ALX3: variants seen among roughly 807,000 people sequenced by gnomAD.
ALX3 encodes homeobox protein aristaless-like 3.
ALX3 carries 17 observed loss-of-function variants against 26.3 expected under a neutral mutation model. The observed-to-expected ratio is 0.65, with a 90% CI of 0.44 to 0.97. The LOEUF (loss-of-function observed/expected upper bound fraction) is 0.97, where lower values mean the gene tolerates loss of function less well. ALX3 is among the 50% of genes least tolerant of loss of function. The pLI is 0.00. For synonymous variants in ALX3, 208 were observed against 201.4 expected (o/e 1.03, Z -0.28); for missense variants, 461 against 466.5 (o/e 0.99, Z 0.11).
At position 110,061,396 on chromosome 1, in the gene ALX3, C is replaced by A. The variant is rs765099441; in HGVS notation, c.723+39G>T. On this transcript the variant is annotated intron_variant, in intron 3 of 3. Transcript: ENST00000647563. ...CCAGACCTCATATTCTTTTTGGTGA[C>A]CCTGCCAGGTCCTGGTTCAGGTAGG... 4.3e-6 allele frequency: 7 copies of A among 1,614,034 alleles called. No homozygotes were observed. In the African/African-American group the frequency reaches 6.7e-5, roughly 15 times the overall value.
chr1:110,070,388 G>A lies in ALX3; in HGVS notation c.225C>T (p.Leu75=), dbSNP rs1653889683. The change falls in exon 1 of 4, where the codon CTC becomes CTT. Residue 75 remains leucine (L), a synonymous_variant. Transcript: ENST00000647563. The part of the protein sequence containing the change: ...AKPPAKYLQD[L]GPGPALNGGH... ...CGCCGTTGAGGGCCGGGCCGGGCCCGAGGTCCTGCAGGTACTTGGCGGGCG... is the reference window on the plus strand; with the variant it reads ...CGCCGTTGAGGGCCGGGCCGGGCCCAAGGTCCTGCAGGTACTTGGCGGGCG... 2.3e-6 allele frequency: 3 copies of A among 1,285,592 alleles called. No homozygotes were observed. The highest frequency in any genetic ancestry group is 2.9e-6 in the Non-Finnish European group (3 of 1,017,026). 79.6% of individuals were successfully genotyped at this position (1,285,592 alleles called of 1,614,324 possible).
chr1:110,065,720 C>G (rs1292451387), intron 1 of ALX3, among the ~76,000 whole-genome samples: 1 of 152,214 alleles, frequency 6.6e-6, no homozygotes, highest in African/African-American at 2.4e-5. Context: ...TTTCTAACTG[C>G]TCCCCCATTG....
chr1:110,064,122 G>A (rs1481068867), intron 2 of ALX3, among the ~76,000 whole-genome samples: 1 of 152,098 alleles, frequency 6.6e-6, no homozygotes, highest in Non-Finnish European at 1.5e-5. Flanking sequence ...CCTCCTGACA[G>A]GGACCCTCCC....
Position 110,060,671 on chromosome 1 carries a change from C to CAGGGGTGGGA in ALX3, c.*61_*62insTCCCACCCCT. ...TCTGGGGCTTGGAGGCAGAGGTGGG[C>CAGGGGTGGGA]TGGGAGCGACTGGGAATGGAAAAAG... On this transcript the variant is annotated 3_prime_UTR_variant, in exon 4 of 4. Transcript: ENST00000647563. 4.5e-6 allele frequency: 2 copies of CAGGGGTGGGA among 445,746 alleles called. No individual in the cohort carries two copies. Among genetic ancestry groups the CAGGGGTGGGA allele is most frequent in the South Asian group, 4.4e-5 (1 of 22,838 alleles). 27.6% of individuals were successfully genotyped at this position (445,746 alleles called of 1,614,324 possible). A position where few individuals can be genotyped will look rare whatever the true frequency, so the allele number is the denominator to read the frequency against.
chr1:110,063,231 C>G (rs146621566), intron 2 of ALX3, among the ~76,000 whole-genome samples: 92 of 152,304 alleles, frequency 6.0e-4, no homozygotes, highest in African/African-American at 2.1e-3. Flanking sequence ...GCTGGTTAGA[C>G]CACACCCCGG....
intron 2 of ALX3, chr1:110,061,794 C>G: frequency 1.6e-6 from 1 of 611,570 alleles, no homozygotes; most frequent in Non-Finnish European, 2.8e-6. Context: ...CCAGCTGTCA[C>G]TCCCCAGGTT....
In ALX3 at chr1:110,070,670, T is replaced by A; in HGVS notation, c.-58A>T. 3.5e-6 allele frequency: 4 copies of A among 1,155,846 alleles called. No individual in the cohort carries two copies. The highest frequency in any genetic ancestry group is 4.2e-6 in the Non-Finnish European group (4 of 945,236). 71.6% of individuals were successfully genotyped at this position (1,155,846 alleles called of 1,614,324 possible). A position where few individuals can be genotyped will look rare whatever the true frequency, so the allele number is the denominator to read the frequency against. On this transcript the variant is annotated 5_prime_UTR_variant, in exon 1 of 4. Transcript: ENST00000647563. ...CGGGGCTCGCGCTGCCCGCGCCGCC[T>A]GTGAGCGCCCGCCAAGGGGGAGGGA...
At chr1:110,067,765 GCTCCCGCCGAAGA>G (rs1313771226) in intron 1 of ALX3, among the ~76,000 whole-genome samples, 1 of 152,252 alleles carries the variant, frequency 6.6e-6, no homozygotes, top group Non-Finnish European at 1.5e-5. Flanking sequence ...GGCTCCTGCA[GCTCCCGCCGAAGA>G]CTCAAAGCCA....
intron 2 of ALX3, chr1:110,062,274 C>G (rs1653667641): frequency 6.6e-6 from 1 of 152,620 alleles, no homozygotes; most frequent in Non-Finnish European, 1.5e-5. Context: ...ATACCCTGGA[C>G]CTCTCTTTGT....
intron 1 of ALX3, among the ~76,000 whole-genome samples, chr1:110,066,809 G>A (rs1243259702): frequency 6.6e-6 from 1 of 152,140 alleles, no homozygotes. Context: ...TGCCTCTTGG[G>A]TCTCAATAGG....
Position 110,060,845 on chromosome 1 carries a change from A to C in ALX3, c.920T>G (p.Leu307Arg), listed in dbSNP as rs1316578533. Residue 307 changes from leucine to arginine, a missense_variant, in exon 4 of 4, where the codon CTG becomes CGG. Coordinates refer to ENST00000647563, the MANE Select transcript of ALX3 (RefSeq NM_006492.3). ...GGAAGGCTCAAAGCTGTGGCCCCCC[A>C]GGGTGGGGGGAAAGCCATGGATGGA... is the stretch of plus-strand genomic sequence containing the variant. ...IYSIHGFPPT[L>R]GGHSFEPSSD... 1 of 1,613,996 alleles carries C rather than the reference A, an allele frequency of 6.2e-7. No homozygotes were observed. The highest frequency in any genetic ancestry group is 8.5e-7 in the Non-Finnish European group (1 of 1,179,984).
In ALX3 at chr1:110,060,897, G is replaced by T; in HGVS notation, c.868C>A (p.Pro290Thr). 1 of 1,613,728 alleles carries T rather than the reference G, an allele frequency of 6.2e-7. No individual in the cohort carries two copies. The highest frequency in any genetic ancestry group is 8.5e-7 in the Non-Finnish European group (1 of 1,179,916). The change falls in exon 4 of 4, where the codon CCT becomes ACT. Residue 290 changes from proline to threonine, a missense_variant. Physicochemically the swap from Pro to Thr is conservative, Grantham distance 38. This residue lies in a region of ALX3 where 169 missense variants were observed against 178.0 expected (regional missense o/e 0.95). Transcript: ENST00000647563. ...SVAGFMGVPA[P>T]SAAHPGIYSI... ...TAGATGCCAGGGTGAGCCGCAGAAG[G>T]GGCTGGCACCCCCATGAAGCCAGCC...
At chr1:110,062,954 T>C (rs1653691213) in intron 2 of ALX3, among the ~76,000 whole-genome samples, 1 of 152,218 alleles carries the variant, frequency 6.6e-6, no homozygotes, top group South Asian at 2.1e-4. Context: ...GGGATCCCGC[T>C]GTAGGCCTCC....
At chr1:110,061,682 G>A in intron 2 of ALX3, 119 bp from the exon 3 acceptor site, 1 of 1,440,496 alleles carries the variant, frequency 6.9e-7, no homozygotes, top group Non-Finnish European at 9.5e-7. Context: ...CCAGGATGGA[G>A]GATCTCAACT....
chr1:110,069,493 C>T (rs917423402), intron 1 of ALX3, among the ~76,000 whole-genome samples: 3 of 152,232 alleles, frequency 2.0e-5, no homozygotes. Context: ...AGGCCCCTGC[C>T]TTCAGGCGCA....
intron 1 of ALX3, among the ~76,000 whole-genome samples, chr1:110,068,009 C>G (rs1653829881): frequency 1.2e-5 from 1 of 82,264 alleles, no homozygotes; most frequent in African/African-American, 6.5e-5. Context: ...CAGAGCCAAA[C>G]TCGGGACAGA....
rs1276871677 is a variant in ALX3 at position 110,060,109 on chromosome 1, C to T, written c.*624G>A. 6.6e-6 allele frequency: 1 copy of T among 152,218 alleles called. No individual in the cohort carries two copies. Among genetic ancestry groups the T allele is most frequent in the Non-Finnish European group, 1.5e-5 (1 of 68,066 alleles). The allele number at this position is 152,218 out of a possible 1,614,324, so 9.4% of individuals were successfully genotyped here. A position where few individuals can be genotyped will look rare whatever the true frequency, so the allele number is the denominator to read the frequency against. On this transcript the variant is annotated 3_prime_UTR_variant, in exon 4 of 4. Transcript: ENST00000647563. ...TATGTGGTGATTTCTGGTGGAATTT[C>T]TGCCCCCTTGGAGGGGAAGATGACT...
chr1:110,062,283 GT>G (rs1653667916), intron 2 of ALX3: 1 of 152,338 alleles, frequency 6.6e-6, no homozygotes, highest in Non-Finnish European at 1.5e-5. Flanking sequence ...ACCTCTCTTT[GT>G]ACTCACCCCA....
intron 3 of ALX3, 147 bp from the exon 4 acceptor site, chr1:110,061,188 A>T: frequency 9.6e-7 from 1 of 1,038,376 alleles, no homozygotes; most frequent in South Asian, 1.5e-5. Context: ...CACCCCCAAC[A>T]CTGGCAGTGG....
Sources: gnomAD v4.1 joint callset for allele counts (sites outside exome capture counted in the v4.1 genomes callset) on GRCh38, gnomAD v4.1.1 for gene constraint, gnomAD v4.1.1 regional missense constraint, MANE v1.5 for transcripts, NCBI Gene and HGNC (gene_info 2026-07-23, HGNC 2026-07-21) for gene names.